CDK14: variants seen among roughly 807,000 people sequenced by gnomAD.
The protein encoded by CDK14 is cyclin dependent kinase 14.
A neutral mutation model predicts 60.7 loss-of-function variants in CDK14; 34 were observed. That is an observed-to-expected ratio of 0.56 (90% CI 0.43 to 0.75). The LOEUF is 0.75. CDK14 is among the 30% of genes least tolerant of loss of function. CDK14 has a pLI of 0.00. For missense variants in CDK14, 482 were observed against 564.1 expected (o/e 0.85, Z 1.47); for synonymous variants, 197 against 203.7 (o/e 0.97, Z 0.28).
At chr7:90,664,498 A>T (rs1202064948) in intron 2 of CDK14, among the ~76,000 whole-genome samples, 1 of 152,220 alleles carries the variant, frequency 6.6e-6, no homozygotes, top group Non-Finnish European at 1.5e-5. Context: ...ACGTATGTTT[A>T]TAGCGGCACT....
chr7:90,757,209 A>AGTGT (rs56790315), intron 4 of CDK14, among the ~76,000 whole-genome samples: 5,021 of 119,780 alleles, frequency 0.042, 115 homozygotes, highest in African/African-American at 0.076. Context: ...GCATTCTTCC[A>AGTGT]GTGTGTGTGT....
chr7:91,070,271 G>C (rs1337987383), intron 11 of CDK14, among the ~76,000 whole-genome samples: 1 of 12,182 alleles, frequency 8.2e-5, no homozygotes, highest in African/African-American at 2.3e-4. Flanking sequence ...TGCTGCTGCT[G>C]GTGGTGGTGG....
chr7:90,911,881 A>G (rs746655699), intron 7 of CDK14, among the ~76,000 whole-genome samples: 1 of 152,136 alleles, frequency 6.6e-6, no homozygotes, highest in African/African-American at 2.4e-5. Context: ...TCAGAAGGGA[A>G]TAGAGGAAGT....
intron 2 of CDK14, among the ~76,000 whole-genome samples, chr7:90,657,549 T>C (rs1252033766): frequency 6.6e-6 from 1 of 152,226 alleles, no homozygotes; most frequent in Non-Finnish European, 1.5e-5. Context: ...TCTAGATCCA[T>C]GCTGTTGAAT....
intron 12 of CDK14, among the ~76,000 whole-genome samples, chr7:91,100,079 G>C (rs697400): frequency 7.2e-5 from 11 of 151,868 alleles, no homozygotes; most frequent in African/African-American, 2.7e-4. Context: ...TCATATAATC[G>C]CTGGTTCACT....
intron 14 of CDK14, among the ~76,000 whole-genome samples, chr7:91,185,630 C>T (rs1802153099): frequency 6.6e-6 from 1 of 151,894 alleles, no homozygotes; most frequent in Admixed American, 6.6e-5. Flanking sequence ...AGGCTTTTTA[C>T]CTAGAGAGAG....
intron 14 of CDK14, among the ~76,000 whole-genome samples, chr7:91,200,570 A>C (rs973119786): frequency 6.6e-6 from 1 of 152,166 alleles, no homozygotes; most frequent in Admixed American, 6.5e-5. Context: ...GTTCTCGACA[A>C]AATCAGAATA....
intron 13 of CDK14, among the ~76,000 whole-genome samples, chr7:91,115,468 C>G (rs911225494): frequency 6.6e-6 from 1 of 152,120 alleles, no homozygotes; most frequent in Admixed American, 6.6e-5. Flanking sequence ...TCCTAAGGCC[C>G]CATCTCCAAA....
chr7:90,818,054 A>G (rs945597526), intron 5 of CDK14, among the ~76,000 whole-genome samples: 2 of 152,222 alleles, frequency 1.3e-5, no homozygotes, highest in Admixed American at 1.3e-4. Context: ...AGGCAGGATT[A>G]TAGAAGTTAA....
At chr7:91,174,092 G>A (rs1464201285) in intron 14 of CDK14, among the ~76,000 whole-genome samples, 1 of 152,138 alleles carries the variant, frequency 6.6e-6, no homozygotes, top group Admixed American at 6.5e-5. Context: ...GGTTCTCCCA[G>A]CATGCAGCTG....
intron 2 of CDK14, among the ~76,000 whole-genome samples, chr7:90,693,106 G>A (rs1166551051): frequency 1.3e-5 from 2 of 152,132 alleles, no homozygotes; most frequent in Non-Finnish European, 2.9e-5. Context: ...GTTATAGGAA[G>A]TATTTCAGAT....
intron 9 of CDK14, among the ~76,000 whole-genome samples, chr7:90,964,291 A>T (rs1794691536): frequency 6.6e-6 from 1 of 152,116 alleles, no homozygotes; most frequent in Non-Finnish European, 1.5e-5. Context: ...CTCCATTTTG[A>T]TTGTGATAAC....
At chr7:90,739,950 C>T (rs572432437) in intron 3 of CDK14, among the ~76,000 whole-genome samples, 4 of 152,224 alleles carry the variant, frequency 2.6e-5, no homozygotes, top group African/African-American at 9.6e-5. Context: ...ATAACCCACA[C>T]AGGACTAGTC....
chr7:91,097,985 A>G (rs1025366973), intron 12 of CDK14, among the ~76,000 whole-genome samples: 2 of 152,214 alleles, frequency 1.3e-5, no homozygotes, highest in Non-Finnish European at 2.9e-5. Flanking sequence ...ACTGTGGGTT[A>G]GAGAAGGCAG....
intron 2 of CDK14, among the ~76,000 whole-genome samples, chr7:90,680,941 T>C (rs1801301941): frequency 6.6e-6 from 1 of 152,214 alleles, no homozygotes; most frequent in Admixed American, 6.5e-5. Flanking sequence ...TGTACACATT[T>C]TCCAAAAACT....
intron 10 of CDK14, among the ~76,000 whole-genome samples, chr7:91,008,884 A>G (rs956899964): frequency 2.6e-5 from 4 of 152,136 alleles, no homozygotes; most frequent in African/African-American, 9.7e-5. Flanking sequence ...TGTAAATTGC[A>G]TGTTTAAGGT....
intron 8 of CDK14, among the ~76,000 whole-genome samples, chr7:90,930,236 G>GT (rs1358695691): frequency 3.3e-5 from 5 of 151,554 alleles, no homozygotes; most frequent in African/African-American, 1.2e-4. Flanking sequence ...GTAATTGTCA[G>GT]TAAAAAAAAA....
intron 8 of CDK14, among the ~76,000 whole-genome samples, chr7:90,930,693 A>C (rs1232691399): frequency 4.6e-5 from 7 of 152,166 alleles, no homozygotes; most frequent in Admixed American, 4.6e-4. Context: ...GCTTTTAGGA[A>C]GCAAAATGGA....
intron 14 of CDK14, among the ~76,000 whole-genome samples, chr7:91,172,703 T>C (rs962953049): frequency 6.6e-6 from 1 of 152,176 alleles, no homozygotes; most frequent in African/African-American, 2.4e-5. Context: ...TGCCTCACTC[T>C]CCTGTTCCAC....
Sources: allele counts gnomAD v4.1 joint callset (sites outside exome capture counted in the v4.1 genomes callset), GRCh38; gene constraint gnomAD v4.1.1; transcripts MANE v1.5; gene names NCBI Gene and HGNC (gene_info 2026-07-23, HGNC 2026-07-21).